The following PLEKHA8 variants were observed in gnomAD, a reference collection of about 807,000 sequenced individuals.
PLEKHA8 encodes the protein pleckstrin homology domain-containing family A member 8.
A neutral mutation model predicts 68.2 loss-of-function variants in PLEKHA8; 36 were observed. That is an observed-to-expected ratio of 0.53 (90% confidence interval 0.40 to 0.70). The LOEUF is 0.70. Ranked by LOEUF, PLEKHA8 falls within the 30% of genes least tolerant of loss-of-function variation. The pLI is 0.00. For missense variants in PLEKHA8, 505 were observed against 615.4 expected, an observed-to-expected ratio of 0.82 and a Z score of 1.90; for synonymous variants, 211 against 216.1, an observed-to-expected ratio of 0.98 and a Z score of 0.20.
chr7:30,103,806 G>A (rs552822232), intron 13 of PLEKHA8, among the ~76,000 whole-genome samples: 13 of 152,158 alleles, frequency 8.5e-5, no homozygotes, highest in East Asian at 3.9e-4. Flanking sequence ...TGAAAATTTC[G>A]GATAAAGCTC....
intron 13 of PLEKHA8, among the ~76,000 whole-genome samples, chr7:30,076,316 G>A (rs1372761726): frequency 1.3e-5 from 2 of 152,204 alleles, no homozygotes; most frequent in East Asian, 3.9e-4. Flanking sequence ...TCCTCTGTGT[G>A]AGAGACTTAA....
intron 7 of PLEKHA8, 114 bp from the exon 8 acceptor site, chr7:30,054,595 T>C (rs1314555075): frequency 2.9e-6 from 2 of 692,848 alleles, no homozygotes; most frequent in Non-Finnish European, 4.1e-6. Context: ...GAATAGTGTT[T>C]CATGAATTTT....
downstream of PLEKHA8, among the ~76,000 whole-genome samples, chr7:30,095,237 T>C (rs1795564864): frequency 6.6e-6 from 1 of 152,252 alleles, no homozygotes; most frequent in Non-Finnish European, 1.5e-5. Flanking sequence ...TGAGATGGTA[T>C]CTCATTGTGG....
chr7:30,118,065 C>T, intron 13 of PLEKHA8: 1 of 1,478,276 alleles, frequency 6.8e-7, no homozygotes, highest in Non-Finnish European at 8.9e-7. Flanking sequence ...CAGCATGAGA[C>T]AGGATGCATC....
exon 13 of PLEKHA8, chr7:30,090,278 C>T: frequency 7.2e-6 from 10 of 1,393,240 alleles, no homozygotes; most frequent in Non-Finnish European, 9.8e-6. Context: ...CTCAAACTTC[C>T]TTTCCACAAG....
intron 13 of PLEKHA8, among the ~76,000 whole-genome samples, chr7:30,100,096 G>C (rs567975758): frequency 6.6e-6 from 1 of 152,214 alleles, no homozygotes; most frequent in South Asian, 2.1e-4. Context: ...TTATGTGTCT[G>C]TTGTCTTCAT....
At chr7:30,095,637 C>G (rs1795584718), downstream of PLEKHA8, among the ~76,000 whole-genome samples, 1 of 152,204 alleles carries the variant, frequency 6.6e-6, no homozygotes, top group Non-Finnish European at 1.5e-5. Flanking sequence ...AGGTTTTCTT[C>G]TAGGGTTTTT....
intron 13 of PLEKHA8, among the ~76,000 whole-genome samples, chr7:30,107,261 T>A (rs767551536): frequency 6.6e-6 from 1 of 152,150 alleles, no homozygotes; most frequent in Non-Finnish European, 1.5e-5. Context: ...ACAATTTTAT[T>A]GTAAAACTTT....
At chr7:30,120,176 A>T (rs1055940350) in intron 13 of PLEKHA8, among the ~76,000 whole-genome samples, 3 of 151,894 alleles carry the variant, frequency 2.0e-5, no homozygotes, top group Admixed American at 2.0e-4. Flanking sequence ...AAAACAAAAA[A>T]AAAAACAGAA....
intron 13 of PLEKHA8, 102 bp from the exon 14 acceptor site, chr7:30,078,487 GT>G (rs1488660290): frequency 3.2e-6 from 4 of 1,233,124 alleles, no homozygotes; most frequent in South Asian, 2.6e-5. Flanking sequence ...CTTCTCAGCT[GT>G]TTGTATGTGT....
At chr7:30,050,104 A>G (rs1278802017) in intron 5 of PLEKHA8, among the ~76,000 whole-genome samples, 1 of 152,198 alleles carries the variant, frequency 6.6e-6, no homozygotes, top group Non-Finnish European at 1.5e-5. Context: ...TACTTGTGTC[A>G]TAGTTTGCTG....
Position 30,080,288 on chromosome 7 carries a change from A to G in PLEKHA8, c.*1501A>G. On this transcript the variant is annotated 3_prime_UTR_variant, in exon 14 of 14. Coordinates refer to ENST00000449726, the MANE Select transcript of PLEKHA8 (RefSeq NM_001197026.2). The stretch of plus-strand genomic sequence containing the variant: ...CCAACCCTGGCCCTAGTCTCAGTAG[A>G]CCATGCTGCCTCGAGTGTGCATCGG... 1.0e-6 allele frequency: 1 copy of G among 985,380 alleles called. No homozygotes were observed. Among genetic ancestry groups the G allele is most frequent in the Non-Finnish European group, 1.2e-6 (1 of 829,944 alleles). 61.0% of individuals were successfully genotyped at this position (985,380 alleles called of 1,614,324 possible).
downstream of PLEKHA8, among the ~76,000 whole-genome samples, chr7:30,094,667 C>T (rs1361521922): frequency 1.7e-5 from 2 of 115,094 alleles, no homozygotes; most frequent in Non-Finnish European, 3.5e-5. Flanking sequence ...TAATGCTATA[C>T]CTCCCCCCTC....
chr7:30,049,508 C>T (rs761782209), intron 5 of PLEKHA8, 126 bp downstream of exon 5: 81 of 1,256,458 alleles, frequency 6.4e-5, no homozygotes, highest in South Asian at 3.9e-4. Context: ...CTTTGCTCTA[C>T]GTCCTTTTTT....
At chr7:30,117,694 C>T (rs1415169749) in intron 13 of PLEKHA8, among the ~76,000 whole-genome samples, 3 of 152,008 alleles carry the variant, frequency 2.0e-5, no homozygotes, top group African/African-American at 7.2e-5. Flanking sequence ...TGTGACAGAG[C>T]AAGACCCCCC....
intron 7 of PLEKHA8, 99 bp downstream of exon 7, chr7:30,052,965 G>A: frequency 1.0e-6 from 1 of 970,286 alleles, no homozygotes; most frequent in Non-Finnish European, 1.5e-6. Context: ...TCAAGACCAT[G>A]TAGTAGTGTC....
intron 13 of PLEKHA8, among the ~76,000 whole-genome samples, chr7:30,120,319 T>C (rs1796677729): frequency 6.6e-6 from 1 of 152,126 alleles, no homozygotes; most frequent in Non-Finnish European, 1.5e-5. Context: ...GGCTAACATT[T>C]AAGGACAAAA....
chr7:30,046,396 C>A (rs1223330115), intron 3 of PLEKHA8, 31 bp downstream of exon 3: 7 of 1,532,130 alleles, frequency 4.6e-6, no homozygotes, highest in Non-Finnish European at 6.1e-6. Context: ...GCTGTGGAAA[C>A]CTTGGGAATC....
In PLEKHA8 at chr7:30,123,025, C is replaced by T. The variant is rs184125158; in HGVS notation, c.1363-6241C>T. Among the ~76,000 whole-genome samples the T allele has an allele frequency of 2.0e-3, 301 of 151,080 alleles. 2 individuals carry two copies. Among genetic ancestry groups the T allele is most frequent in the African/African-American group, 6.9e-3 (284 of 40,882 alleles). On this transcript the variant is annotated intron_variant, in intron 13 of 13. Transcript: ENST00000396257. ...TTTTATACAAAGGTCTCCTGACTTT[C>T]CCCCCCCTAAGCTAGCTTGAATGAG...
Sources: gnomAD v4.1 joint callset for allele counts (sites outside exome capture counted in the v4.1 genomes callset) on GRCh38, gnomAD v4.1.1 for gene constraint, MANE v1.5 for transcripts, NCBI Gene and HGNC (gene_info 2026-07-23, HGNC 2026-07-21) for gene names.